The following PLK4 variants were observed in gnomAD, a reference collection of about 807,000 sequenced individuals.
PLK4 encodes polo like kinase 4.
In PLK4, 51 loss-of-function variants were observed where a neutral mutation model predicts 103.0. That is an observed-to-expected ratio of 0.50 (90% CI 0.40 to 0.63). The LOEUF (loss-of-function observed/expected upper bound fraction) is 0.63, where lower values mean the gene tolerates loss of function less well. PLK4 is among the 20% of genes least tolerant of loss of function. PLK4 has a pLI of 0.00. For synonymous variants in PLK4, 389 were observed against 376.8 expected, an observed-to-expected ratio of 1.03 and a Z score of -0.38; for missense variants, 1,054 against 1,151.0, an observed-to-expected ratio of 0.92 and a Z score of 1.22.
In PLK4 at chr4:127,890,176, TA is replaced by T; in HGVS notation, c.1771del (p.Thr591HisfsTer9). 1 of 1,613,674 alleles carries T rather than the reference TA, an allele frequency of 6.2e-7. No individual in the cohort carries two copies. The highest frequency in any genetic ancestry group is 8.5e-7 in the Non-Finnish European group (1 of 1,179,650). On this transcript the variant is annotated frameshift_variant, in exon 7 of 16. Coordinates refer to ENST00000270861, the MANE Select transcript of PLK4 (RefSeq NM_014264.5). LOFTEE classifies it high-confidence loss of function. ...GYQNRTLRSI[T>X]SPLVAHRLKP... is the part of the protein sequence containing the mutation. ...ATCAGAATCGTACATTAAGAAGCATTACATCTCCGTTGGTTGCTCACAGGTT... is the reference window on the plus strand; with the variant it reads ...ATCAGAATCGTACATTAAGAAGCATTCATCTCCGTTGGTTGCTCACAGGTT...
Position 127,883,291 on chromosome 4 carries a change from A to T in PLK4, c.156A>T (p.Gly52=). Reference sequence around the variant, plus strand: ...ATAAGAAAGCCATGTACAAAGCAGGAATGGTACAGAGAGTCCAAAATGAGG... The same window carrying T: ...ATAAGAAAGCCATGTACAAAGCAGGTATGGTACAGAGAGTCCAAAATGAGG... ...MIDKKAMYKA[G]MVQRVQNEVK... The change falls in exon 3 of 16, where the codon GGA becomes GGT. Residue 52 remains glycine (G), a synonymous_variant. Transcript: ENST00000270861. 1 of 1,592,460 alleles carries T rather than the reference A, an allele frequency of 6.3e-7. No individual in the cohort carries two copies. Among genetic ancestry groups the T allele is most frequent in the Non-Finnish European group, 8.6e-7 (1 of 1,162,014 alleles).
At chr4:127,881,283 T>C (rs1734908197) in intron 1 of PLK4, 119 bp downstream of exon 1, 3 of 1,564,636 alleles carry the variant, frequency 1.9e-6, no homozygotes, top group Non-Finnish European at 2.6e-6. Flanking sequence ...CCGAGGTGCT[T>C]AGGGAGGGTC....
In PLK4 at chr4:127,887,509, T is replaced by C. The variant is rs757093607; in HGVS notation, c.1459+13T>C. On this transcript the variant is annotated intron_variant, in intron 6 of 15. Transcript: ENST00000270861. The stretch of plus-strand genomic sequence containing the variant: ...CTGCAAATAAATGGTGAGTTTTTAA[T>C]GGAGTATTTAATCAAGAATTAATTA... 1.3e-4 allele frequency: 176 copies of C among 1,394,860 alleles called. No individual in the cohort carries two copies. Among genetic ancestry groups the C allele is most frequent in the Non-Finnish European group, 1.8e-4 (176 of 988,474 alleles). The allele number at this position is 1,394,860 out of a possible 1,614,324, so 86.4% of individuals were successfully genotyped here.
chr4:127,886,169 C>T lies in PLK4; in HGVS notation c.799C>T (p.Arg267Ter), dbSNP rs1472376292. The change falls in exon 5 of 16, where the codon CGA becomes TGA. Residue 267 changes from arginine to a stop codon, truncating the protein, a stop_gained. Transcript: ENST00000270861. LOFTEE classifies it high-confidence loss of function. ...AGTATTGGACCATCCTTTTATGTCC[C>T]GAAATTCTTCAACAAAAAGTAAAGA... is the stretch of plus-strand genomic sequence containing the variant. ...SSVLDHPFMS[R>*]NSSTKSKDLG... The T allele has an allele frequency of 6.2e-7, 1 of 1,613,918 alleles. No individual in the cohort carries two copies. Among genetic ancestry groups the T allele is most frequent in the Non-Finnish European group, 8.5e-7 (1 of 1,179,926 alleles).
chr4:127,895,213 T>C (rs574537892), intron 14 of PLK4, 120 bp downstream of exon 14: 1 of 683,054 alleles, frequency 1.5e-6, no homozygotes, highest in African/African-American at 1.9e-5. Context: ...AAGGAAGTTT[T>C]TGTACCTTTT....
chr4:127,888,213 G>T (rs1398741882), intron 6 of PLK4, among the ~76,000 whole-genome samples: 37 of 25,304 alleles, frequency 1.5e-3, no homozygotes, highest in African/African-American at 3.1e-3. Context: ...AAAAAAAAAA[G>T]CATTTTCAGT....
At position 127,887,558 on chromosome 4, in the gene PLK4, A is replaced by C. The variant is rs543693579; in HGVS notation, c.1459+62A>C. 15 of 943,700 alleles carry C rather than the reference A, an allele frequency of 1.6e-5. No homozygotes were observed. The South Asian group carries it at 2.1e-4, about 13-fold the overall frequency. 58.5% of individuals were successfully genotyped at this position (943,700 alleles called of 1,614,324 possible). The stretch of plus-strand genomic sequence containing the variant: ...TACTTGGAAACTTACCAAGCATTGC[A>C]GTGTTCTATTTGAGATTTTTAAAGA... On this transcript the variant is annotated intron_variant, in intron 6 of 15. Transcript: ENST00000270861.
intron 4 of PLK4, among the ~76,000 whole-genome samples, chr4:127,885,039 C>T (rs1010360809): frequency 6.6e-6 from 1 of 151,700 alleles, no homozygotes; most frequent in East Asian, 1.9e-4. Flanking sequence ...ATGTATGAAT[C>T]GTTTGTGCAA....
At chr4:127,896,339 G>A (rs1432898115) in intron 14 of PLK4, among the ~76,000 whole-genome samples, 1 of 152,112 alleles carries the variant, frequency 6.6e-6, no homozygotes, top group Non-Finnish European at 1.5e-5. Flanking sequence ...ATGACTAAAG[G>A]AAGAAGTTTC....
rs1472358129 is a variant in PLK4, at chr4:127,886,716, A to G, written c.1346A>G (p.Asn449Ser). The G allele has an allele frequency of 1.3e-6, 2 of 1,594,876 alleles. No individual in the cohort carries two copies. Among genetic ancestry groups the G allele is most frequent in the South Asian group, 1.1e-5 (1 of 88,344 alleles). ...TCTGGATCTTTTGAAAGACCTGATA[A>G]CAATCAAGCACTGTAAGAATAATTC... The part of the protein sequence containing the change: ...SSSGSFERPD[N>S]NQALSNHLCP... Residue 449 changes from asparagine (N) to serine (S), a missense_variant, in exon 5 of 16, where the codon AAC (asparagine) becomes AGC (serine). By Grantham distance (46) the Asn-to-Ser change is conservative (BLOSUM62 1). Around this residue, in one of 4 missense-constraint regions of PLK4, gnomAD observed 680 missense variants for 660.3 expected, o/e 1.03. Coordinates refer to ENST00000270861, the MANE Select transcript of PLK4 (RefSeq NM_014264.5).
At position 127,890,075 on chromosome 4, in the gene PLK4, C is replaced by T; in HGVS notation, c.1669C>T (p.Gln557Ter). The stretch of plus-strand genomic sequence containing the variant: ...ACTTCACAGTAAACCTGAGATAATC[C>T]AACAAGAATGTGTTTTTGGCTCAGA... Reference protein sequence around the residue: ...TALHSKPEIIQQECVFGSDPL... With the variant: ...TALHSKPEII Residue 557 changes from glutamine (Q) to a stop codon, truncating the protein, a stop_gained, in exon 7 of 16, where the codon CAA becomes TAA. Coordinates refer to ENST00000270861, the MANE Select transcript of PLK4 (RefSeq NM_014264.5). LOFTEE classifies it high-confidence loss of function. 1 of 1,613,932 alleles carries T rather than the reference C, an allele frequency of 6.2e-7. No individual in the cohort carries two copies. Among genetic ancestry groups the T allele is most frequent in the Non-Finnish European group, 8.5e-7 (1 of 1,179,876 alleles).
intron 15 of PLK4, 124 bp from the exon 16 acceptor site, chr4:127,898,315 A>C (rs1019971006): frequency 3.4e-6 from 2 of 580,772 alleles, no homozygotes; most frequent in Admixed American, 3.5e-5. Flanking sequence ...TAATTGTTAT[A>C]ATTTTTCTGA....
At chr4:127,889,766 T>C in intron 6 of PLK4, 100 bp from the exon 7 acceptor site, 1 of 857,652 alleles carries the variant, frequency 1.2e-6, no homozygotes, top group Admixed American at 3.0e-5. Flanking sequence ...ACTAGAATTC[T>C]TTTGTTCAAA....
Position 127,891,075 on chromosome 4 carries a change from GTTTT to G in PLK4, c.1831-6_1831-3del, listed in dbSNP as rs75010725. 2.8e-5 allele frequency: 32 copies of G among 1,146,928 alleles called. No homozygotes were observed. The highest frequency in any genetic ancestry group is 4.5e-5 in the Admixed American group (2 of 43,992). 71.0% of individuals were successfully genotyped at this position (1,146,928 alleles called of 1,614,324 possible). ...ACAAAAGAATTATTACTGATTTTGG[GTTTT>G]TTTTTTTTTTAGGTGAGCATACTTG... On this transcript the variant is annotated splice_polypyrimidine_tract_variant and intron_variant, in intron 7 of 15. Transcript: ENST00000270861.
chr4:127,888,501 A>C (rs1209921814), intron 6 of PLK4, among the ~76,000 whole-genome samples: 1 of 152,162 alleles, frequency 6.6e-6, no homozygotes, highest in African/African-American at 2.4e-5. Context: ...AGCACCTTCT[A>C]TCAGTGCCCA....
At position 127,883,493 on chromosome 4, in the gene PLK4, C is replaced by A; in HGVS notation, c.277C>A (p.His93Asn). Reference sequence around the variant, plus strand: ...TGTGTATCTGGTATTAGAAATGTGCCATAATGGAGAAATGAACAGGTATCT... The same window carrying A: ...TGTGTATCTGGTATTAGAAATGTGCAATAATGGAGAAATGAACAGGTATCT... Reference protein sequence around the residue: ...NYVYLVLEMCHNGEMNRYLKN... With the variant: ...NYVYLVLEMCNNGEMNRYLKN... The change falls in exon 4 of 16, where the codon CAT (histidine) becomes AAT (asparagine). Residue 93 changes from histidine (H) to asparagine (N), a missense_variant. This residue lies in a region of PLK4 where 199 missense variants were observed against 270.1 expected (regional missense o/e 0.74). Coordinates refer to ENST00000270861, the MANE Select transcript of PLK4 (RefSeq NM_014264.5). 3 of 1,553,064 alleles carry A rather than the reference C, an allele frequency of 1.9e-6. No individual in the cohort carries two copies. The highest frequency in any genetic ancestry group is 1.1e-5 in the South Asian group (1 of 89,454).
chr4:127,884,530 T>G (rs1735044675), intron 4 of PLK4, among the ~76,000 whole-genome samples: 1 of 152,192 alleles, frequency 6.6e-6, no homozygotes, highest in Admixed American at 6.5e-5. Context: ...TAGGCTGGGC[T>G]CAGTGGCTCA....
chr4:127,896,123 T>C (rs997797964), intron 14 of PLK4, among the ~76,000 whole-genome samples: 1 of 152,196 alleles, frequency 6.6e-6, no homozygotes, highest in African/African-American at 2.4e-5. Context: ...TCACATACTT[T>C]GTCTAGTTTA....
rs766234657 is a variant in PLK4 at position 127,886,014 on chromosome 4, C to T, written c.644C>T (p.Thr215Ile). The T allele has an allele frequency of 6.2e-7, 1 of 1,613,966 alleles. No individual in the cohort carries two copies. The highest frequency in any genetic ancestry group is 1.1e-5 in the South Asian group (1 of 91,078). Reference protein sequence around the residue: ...LIGRPPFDTDTVKNTLNKVVL... With the variant: ...LIGRPPFDTDIVKNTLNKVVL... ...GGGAGACCACCCTTCGACACTGACA[C>T]AGTCAAGAACACATTAAATAAAGTA... is the stretch of plus-strand genomic sequence containing the variant. Residue 215 changes from threonine to isoleucine, a missense_variant, in exon 5 of 16, where the codon ACA becomes ATA. This residue lies in a region of PLK4 where 199 missense variants were observed against 270.1 expected (regional missense o/e 0.74). Transcript: ENST00000270861.
Sources: allele counts gnomAD v4.1 joint callset (sites outside exome capture counted in the v4.1 genomes callset), GRCh38; gene constraint gnomAD v4.1.1; regional missense constraint gnomAD v4.1.1; transcripts MANE v1.5; gene names NCBI Gene and HGNC (gene_info 2026-07-23, HGNC 2026-07-21).